Variants in CEP170 observed in about 807,000 individuals in gnomAD.
CEP170 encodes the protein centrosomal protein 170, also known as centrosomal protein of 170 kDa.
A neutral mutation model predicts 151.9 loss-of-function variants in CEP170; 21 were observed. The observed-to-expected ratio is 0.14, with a 90% CI of 0.10 to 0.20. The LOEUF (loss-of-function observed/expected upper bound fraction) is 0.20. Among genes scored for constraint, CEP170 ranks in the 10% least tolerant of loss-of-function variants. CEP170 has a pLI of 1.00. For synonymous variants in CEP170, 356 were observed against 648.8 expected (o/e 0.55, Z 6.86); for missense variants, 964 against 1,892.9 (o/e 0.51, Z 9.11).
At position 243,201,644 on chromosome 1, in the gene CEP170, T is replaced by A. The variant is rs555070116; in HGVS notation, c.275-809A>T. The stretch of plus-strand genomic sequence containing the variant: ...AGAAAGCTGTAACTATCATGACTAC[T>A]TGGGGGAAAAAGATGACTTCCCAAG... On this transcript the variant is annotated intron_variant, in intron 4 of 19. Coordinates refer to ENST00000366542, the MANE Select transcript of CEP170 (RefSeq NM_014812.3). 2.8e-3 allele frequency among the ~76,000 whole-genome samples: 427 copies of A among 152,204 alleles called. 3 individuals are homozygous for A. The highest frequency in any genetic ancestry group is 9.8e-3 in the African/African-American group (408 of 41,494).
chr1:243,201,389 C>G (rs2061020870), intron 4 of CEP170, among the ~76,000 whole-genome samples: 1 of 152,140 alleles, frequency 6.6e-6, no homozygotes, highest in Non-Finnish European at 1.5e-5. Context: ...ATTACATTAT[C>G]AAACAATGGA....
intron 14 of CEP170, among the ~76,000 whole-genome samples, chr1:243,149,388 T>C (rs2056852587): frequency 6.6e-6 from 1 of 152,112 alleles, no homozygotes; most frequent in Non-Finnish European, 1.5e-5. Context: ...TTTTAGAGAC[T>C]TAGGTACAGA....
chr1:243,243,165 A>G (rs1198069242), intron 1 of CEP170, among the ~76,000 whole-genome samples: 1 of 152,140 alleles, frequency 6.6e-6, no homozygotes, highest in Admixed American at 6.5e-5. Context: ...TTGGGGCTGC[A>G]GTAGGCTATG....
At chr1:243,193,390 C>G (rs1223647533) in intron 7 of CEP170, among the ~76,000 whole-genome samples, 6 of 151,666 alleles carry the variant, frequency 4.0e-5, no homozygotes. Context: ...TTTGTTTTTG[C>G]TTTGCTCATC....
intron 10 of CEP170, among the ~76,000 whole-genome samples, chr1:243,175,890 G>A (rs1337430756): frequency 3.9e-5 from 6 of 152,104 alleles, no homozygotes; most frequent in Non-Finnish European, 5.9e-5. Context: ...TCCGCCTCCC[G>A]GGTTCACGCC....
chr1:243,167,142 T>C (rs1307638745), intron 12 of CEP170, among the ~76,000 whole-genome samples: 1 of 152,130 alleles, frequency 6.6e-6, no homozygotes, highest in Non-Finnish European at 1.5e-5. Context: ...GTTTATTTTC[T>C]ATATTTTCAA....
chr1:243,244,580 C>T (rs2065181626), intron 1 of CEP170, among the ~76,000 whole-genome samples: 1 of 151,760 alleles, frequency 6.6e-6, no homozygotes, highest in Admixed American at 6.6e-5. Flanking sequence ...CCATCTTTAC[C>T]AAAAACACGA....
chr1:243,182,315 C>T (rs1396123392), intron 10 of CEP170, among the ~76,000 whole-genome samples: 1 of 152,180 alleles, frequency 6.6e-6, no homozygotes, highest in African/African-American at 2.4e-5. Flanking sequence ...CTAAACAAAC[C>T]TCTTTTCTTG....
chr1:243,136,944 C>T (rs1261028958), intron 16 of CEP170, among the ~76,000 whole-genome samples: 1 of 152,170 alleles, frequency 6.6e-6, no homozygotes, highest in Non-Finnish European at 1.5e-5. Context: ...AGTTTTTGTA[C>T]TGAGTGTTGG....
At chr1:243,207,549 T>C (rs984101628) in intron 4 of CEP170, among the ~76,000 whole-genome samples, 4 of 152,048 alleles carry the variant, frequency 2.6e-5, no homozygotes, top group Admixed American at 2.6e-4. Context: ...CTAACATTTA[T>C]AGAACATTCC....
At chr1:243,147,864 G>A (rs1030546547) in intron 14 of CEP170, among the ~76,000 whole-genome samples, 1 of 152,154 alleles carries the variant, frequency 6.6e-6, no homozygotes, top group African/African-American at 2.4e-5. Context: ...AGGGCCTACT[G>A]ATAACGAGCT....
chr1:243,144,282 T>C (rs1273155691), intron 14 of CEP170, among the ~76,000 whole-genome samples: 2 of 152,216 alleles, frequency 1.3e-5, no homozygotes, highest in African/African-American at 2.4e-5. Context: ...AATCATCTTG[T>C]TCTACAGATG....
At chr1:243,214,381 G>A (rs868789639) in intron 3 of CEP170, among the ~76,000 whole-genome samples, 6 of 149,044 alleles carry the variant, frequency 4.0e-5, no homozygotes, top group Non-Finnish European at 7.4e-5. Flanking sequence ...TGCCTCCCAG[G>A]TTCAAGCGAT....
chr1:243,189,096 T>G (rs2060113930), intron 8 of CEP170, among the ~76,000 whole-genome samples: 2 of 152,138 alleles, frequency 1.3e-5, no homozygotes, highest in African/African-American at 2.4e-5. Flanking sequence ...AAATCAACTT[T>G]GAAGGACAAC....
intron 1 of CEP170, among the ~76,000 whole-genome samples, chr1:243,238,695 C>A (rs4658551): frequency 0.39 from 58,534 of 151,984 alleles, 13,183 homozygotes; most frequent in East Asian, 0.66. Flanking sequence ...AAGAAAAAAT[C>A]AAATCATCTA....
At chr1:243,159,572 T>A (rs998387591) in intron 13 of CEP170, among the ~76,000 whole-genome samples, 24 of 152,254 alleles carry the variant, frequency 1.6e-4, no homozygotes, top group African/African-American at 5.5e-4. Flanking sequence ...CATCTACTTA[T>A]TTCATAAAAT....
In CEP170 at chr1:243,247,021, C is replaced by T. The variant is rs148199497; in HGVS notation, c.-42+8019G>A. Reference sequence around the variant, plus strand: ...TTTTGCACTTTACCCCTATTATCATCAAGCAGACTCATTTCCCCCACCCTC... The same window carrying T: ...TTTTGCACTTTACCCCTATTATCATTAAGCAGACTCATTTCCCCCACCCTC... On this transcript the variant is annotated intron_variant, in intron 1 of 19. Coordinates refer to ENST00000366542, the MANE Select transcript of CEP170 (RefSeq NM_014812.3). Among the ~76,000 whole-genome samples, 523 of 152,248 alleles carry T rather than the reference C, an allele frequency of 3.4e-3. 5 individuals carry two copies. The highest frequency in any genetic ancestry group is 5.6e-3 in the Non-Finnish European group (380 of 68,016).
At chr1:243,137,123 G>T (rs1286582719) in intron 16 of CEP170, among the ~76,000 whole-genome samples, 1 of 152,230 alleles carries the variant, frequency 6.6e-6, no homozygotes, top group East Asian at 1.9e-4. Flanking sequence ...TTATGCATGT[G>T]GACATAGCCG....
At chr1:243,210,259 CAG>C (rs1350147084) in intron 4 of CEP170, among the ~76,000 whole-genome samples, 1 of 152,116 alleles carries the variant, frequency 6.6e-6, no homozygotes. Context: ...GTTAACTTGA[CAG>C]AGTTTTACTA....
Sources: allele counts gnomAD v4.1 joint callset (sites outside exome capture counted in the v4.1 genomes callset), GRCh38; gene constraint gnomAD v4.1.1; transcripts MANE v1.5; gene names NCBI Gene and HGNC (gene_info 2026-07-23, HGNC 2026-07-21).